The following FOCAD variants were observed in gnomAD, a reference collection of about 807,000 sequenced individuals.
FOCAD encodes focadhesin.
FOCAD carries 198 observed loss-of-function variants against 225.6 expected under a neutral mutation model. The ratio of observed to expected loss-of-function variants is 0.88; its 90% CI spans 0.78 to 0.99. The LOEUF is 0.99. Among genes scored for constraint, FOCAD ranks in the 50% least tolerant of loss-of-function variants. The pLI, the probability that FOCAD is intolerant of heterozygous loss-of-function variation, is 0.00. For synonymous variants in FOCAD, 897 were observed against 755.0 expected, an observed-to-expected ratio of 1.19 and a Z score of -3.08; for missense variants, 2,713 against 2,123.6, an observed-to-expected ratio of 1.28 and a Z score of -5.46.
intron 35 of FOCAD, among the ~76,000 whole-genome samples, chr9:20,956,189 T>C (rs974846719): frequency 2.6e-5 from 4 of 152,062 alleles, no homozygotes; most frequent in Admixed American, 2.6e-4. Flanking sequence ...CCATGAGAGG[T>C]AATTGTTAAG....
chr9:20,758,450 G>A (rs987689390), intron 6 of FOCAD, among the ~76,000 whole-genome samples: 2 of 151,892 alleles, frequency 1.3e-5, no homozygotes, highest in African/African-American at 4.8e-5. Flanking sequence ...GTGCCATGCT[G>A]GTGTGCTGCA....
At chr9:20,786,970 T>G (rs1261676339) in intron 10 of FOCAD, 14 of 477,874 alleles carry the variant, frequency 2.9e-5, no homozygotes, top group South Asian at 2.0e-4. Context: ...GGGCCAGGAT[T>G]TGGTAGCTGG....
At chr9:20,783,892 A>T (rs1041775617) in intron 10 of FOCAD, among the ~76,000 whole-genome samples, 2 of 152,162 alleles carry the variant, frequency 1.3e-5, no homozygotes, top group African/African-American at 4.8e-5. Context: ...GGCAATTTGA[A>T]CAAGGAAAAC....
chr9:20,683,146 ATTAC>A (rs933862554), upstream of FOCAD, among the ~76,000 whole-genome samples: 2 of 152,146 alleles, frequency 1.3e-5, no homozygotes, highest in Non-Finnish European at 2.9e-5. Flanking sequence ...GTGATACATA[ATTAC>A]TTTTCTGAGG....
intron 10 of FOCAD, among the ~76,000 whole-genome samples, chr9:20,783,175 C>G (rs1427329646): frequency 6.6e-6 from 1 of 152,074 alleles, no homozygotes; most frequent in South Asian, 2.1e-4. Flanking sequence ...TACATAAGTA[C>G]TTGGTTTACT....
In FOCAD at chr9:20,774,404, G is replaced by A. The variant is rs549351975; in HGVS notation, c.906+4166G>A. Among the ~76,000 whole-genome samples, 3 of 152,266 alleles carry A rather than the reference G, an allele frequency of 2.0e-5. No homozygotes were observed. In the South Asian group the frequency reaches 6.2e-4, roughly 32 times the overall value. On this transcript the variant is annotated intron_variant, in intron 8 of 43. Coordinates refer to ENST00000338382, the MANE Select transcript of FOCAD (RefSeq NM_001375567.1). ...AATGCCTAGTTCTATTAATTCATTA[G>A]GAGTTGCAGAGTGGTAATGTTCTAA...
At chr9:20,713,047 C>CT (rs1824999482) in intron 1 of FOCAD, among the ~76,000 whole-genome samples, 1 of 152,098 alleles carries the variant, frequency 6.6e-6, no homozygotes, top group Non-Finnish European at 1.5e-5. Flanking sequence ...CTTCTGTGCT[C>CT]TTATCCAATC....
At chr9:20,853,652 C>T (rs555866409) in intron 15 of FOCAD, among the ~76,000 whole-genome samples, 119 of 151,758 alleles carry the variant, frequency 7.8e-4, no homozygotes, top group Non-Finnish European at 1.2e-3. Flanking sequence ...AGTTGTTCAA[C>T]TATGTTAGAA....
chr9:20,743,088 T>C (rs1827762342), intron 5 of FOCAD, among the ~76,000 whole-genome samples: 1 of 152,204 alleles, frequency 6.6e-6, no homozygotes, highest in South Asian at 2.1e-4. Flanking sequence ...AAGAGAGCTA[T>C]GATTACCTGA....
At chr9:20,756,766 C>G (rs113661508) in intron 5 of FOCAD, among the ~76,000 whole-genome samples, 2 of 152,264 alleles carry the variant, frequency 1.3e-5, no homozygotes, top group African/African-American at 4.8e-5. Context: ...TGAAGGCAAT[C>G]TTAAAAAATC....
chr9:20,671,591 A>G (rs930827326), intron 2 of FOCAD, among the ~76,000 whole-genome samples: 18 of 147,054 alleles, frequency 1.2e-4, no homozygotes, highest in African/African-American at 4.3e-4. Context: ...CTCACAAGAT[A>G]GATTAGTATG....
At chr9:20,914,225 A>G (rs184590233) in intron 23 of FOCAD, among the ~76,000 whole-genome samples, 1 of 152,284 alleles carries the variant, frequency 6.6e-6, no homozygotes, top group Non-Finnish European at 1.5e-5. Flanking sequence ...CACTTGATTT[A>G]TTATTTCAAA....
upstream of FOCAD, among the ~76,000 whole-genome samples, chr9:20,656,137 A>G (rs1175079986): frequency 6.7e-5 from 10 of 149,658 alleles, no homozygotes; most frequent in Admixed American, 6.6e-5. Context: ...CTGTGGTCTG[A>G]GAGATAGTTT....
chr9:20,777,308 T>G (rs1237534258), intron 8 of FOCAD, among the ~76,000 whole-genome samples: 3 of 104,694 alleles, frequency 2.9e-5, no homozygotes, highest in African/African-American at 8.3e-5. Flanking sequence ...CTGTGGGTTT[T>G]TTTTTTTTTT....
At chr9:20,676,940 G>C (rs1040139235) in intron 2 of FOCAD, among the ~76,000 whole-genome samples, 7 of 152,092 alleles carry the variant, frequency 4.6e-5, no homozygotes, top group African/African-American at 1.7e-4. Context: ...AAGCAATCTT[G>C]AACAAGAAGA....
In FOCAD at chr9:20,770,134, A is replaced by G. The variant is rs1563968981; in HGVS notation, c.802A>G (p.Met268Val). 2 of 1,614,104 alleles carry G rather than the reference A, an allele frequency of 1.2e-6. No homozygotes were observed. The highest frequency in any genetic ancestry group is 2.2e-5 in the East Asian group (1 of 44,882). The change falls in exon 8 of 44, where the codon ATG (methionine) becomes GTG (valine). Residue 268 changes from methionine to valine, a missense_variant. By Grantham distance (21) the Met-to-Val change is conservative (BLOSUM62 1). Coordinates refer to ENST00000338382, the MANE Select transcript of FOCAD (RefSeq NM_001375567.1). ...PVFWKIQLTQ[M>V]SLQLLCVSEV... Reference sequence around the variant, plus strand: ...TTTCTGGAAAATTCAGCTTACCCAGATGAGTCTTCAGCTGCTGTGTGTCAG... The same window carrying G: ...TTTCTGGAAAATTCAGCTTACCCAGGTGAGTCTTCAGCTGCTGTGTGTCAG...
chr9:20,891,941 G>C (rs1004671757), intron 21 of FOCAD, among the ~76,000 whole-genome samples: 1 of 152,176 alleles, frequency 6.6e-6, no homozygotes, highest in Non-Finnish European at 1.5e-5. Context: ...GTCTAATGCA[G>C]CTGATGACTT....
intron 15 of FOCAD, among the ~76,000 whole-genome samples, chr9:20,846,413 C>G (rs1015846881): frequency 6.6e-6 from 1 of 152,146 alleles, no homozygotes; most frequent in Non-Finnish European, 1.5e-5. Context: ...TTCCCTCTCA[C>G]TGGACTTTGT....
chr9:20,952,327 GA>G (rs1469488346), intron 34 of FOCAD: 1 of 152,208 alleles, frequency 6.6e-6, no homozygotes, highest in Admixed American at 6.6e-5. Flanking sequence ...GTTCCTGATG[GA>G]ATTTTCCAAT....
Sources: allele counts gnomAD v4.1 joint callset (sites outside exome capture counted in the v4.1 genomes callset), GRCh38; gene constraint gnomAD v4.1.1; transcripts MANE v1.5; gene names NCBI Gene and HGNC (gene_info 2026-07-23, HGNC 2026-07-21).